CACNB2: variants seen among roughly 807,000 people sequenced by gnomAD.
CACNB2 encodes calcium voltage-gated channel auxiliary subunit beta 2.
CACNB2 carries 42 observed loss-of-function variants against 73.3 expected under a neutral mutation model. The ratio of observed to expected loss-of-function variants is 0.57; its 90% CI spans 0.45 to 0.74. The LOEUF is 0.74. Among genes scored for constraint, CACNB2 ranks in the 30% least tolerant of loss-of-function variants. CACNB2 has a pLI of 0.00. For synonymous variants in CACNB2, 348 were observed against 310.3 expected, an observed-to-expected ratio of 1.12 and a Z score of -1.28; for missense variants, 940 against 853.0, an observed-to-expected ratio of 1.10 and a Z score of -1.27.
chr10:18,310,722 G>A (rs2039932915), intron 2 of CACNB2, among the ~76,000 whole-genome samples: 1 of 150,310 alleles, frequency 6.7e-6, no homozygotes, highest in Admixed American at 6.6e-5. Flanking sequence ...TGGGATTACA[G>A]GCATGCGCCA....
At chr10:18,367,682 A>G (rs1054983727) in intron 2 of CACNB2, among the ~76,000 whole-genome samples, 1 of 152,222 alleles carries the variant, frequency 6.6e-6, no homozygotes, top group African/African-American at 2.4e-5. Context: ...ATCAATACAC[A>G]TAGCAAAACA....
chr10:18,431,895 G>T (rs56246534), intron 3 of CACNB2, among the ~76,000 whole-genome samples: 116 of 152,218 alleles, frequency 7.6e-4, no homozygotes, highest in Non-Finnish European at 1.4e-3. Flanking sequence ...CTCCTGAGTA[G>T]CTGGAACTGC....
intron 2 of CACNB2, among the ~76,000 whole-genome samples, chr10:18,321,874 CA>C (rs1193644565): frequency 6.6e-6 from 1 of 152,008 alleles, no homozygotes; most frequent in African/African-American, 2.4e-5. Flanking sequence ...CTTTCTAAGC[CA>C]GGGGTGGTGG....
rs4456167 is a variant in CACNB2, at chr10:18,362,816, G to C, written c.214-39108G>C. 8.9e-3 allele frequency among the ~76,000 whole-genome samples: 1,359 copies of C among 152,286 alleles called. 19 individuals are homozygous for C. Among genetic ancestry groups the C allele is most frequent in the African/African-American group, 0.03 (1,261 of 41,556 alleles). On this transcript the variant is annotated intron_variant, in intron 2 of 13. Coordinates refer to ENST00000324631, the MANE Select transcript of CACNB2 (RefSeq NM_201596.3). ...CCAGCTACTTGGGAGGCTGAGGAGA[G>C]AGAATCACTTGAACCCGGCAGGTGG...
At chr10:18,265,373 C>T (rs757690970) in intron 2 of CACNB2, among the ~76,000 whole-genome samples, 10 of 152,022 alleles carry the variant, frequency 6.6e-5, no homozygotes, top group East Asian at 5.8e-4. Flanking sequence ...CCTTGTGATC[C>T]GCCCACCTCA....
chr10:18,186,593 C>T (rs60661817), intron 2 of CACNB2, among the ~76,000 whole-genome samples: 8,249 of 152,064 alleles, frequency 0.054, 643 homozygotes, highest in African/African-American at 0.17. Flanking sequence ...GGGGAGAAGG[C>T]ATGTCTTACA....
chr10:18,466,276 C>T (rs941697766), intron 3 of CACNB2, among the ~76,000 whole-genome samples: 1 of 152,072 alleles, frequency 6.6e-6, no homozygotes, highest in African/African-American at 2.4e-5. Flanking sequence ...CGCTCTGTCA[C>T]CCAGCCTAGA....
intron 10 of CACNB2, among the ~76,000 whole-genome samples, chr10:18,528,337 C>G (rs1457558639): frequency 1.3e-5 from 2 of 151,940 alleles, no homozygotes; most frequent in African/African-American, 4.8e-5. Context: ...TTAACGTATA[C>G]TGAATTGATC....
At chr10:18,519,733 A>G (rs1389412158) in intron 9 of CACNB2, 13 of 456,034 alleles carry the variant, frequency 2.9e-5, no homozygotes, top group Non-Finnish European at 4.8e-5. Flanking sequence ...TCCTTGAAAG[A>G]ATTGAGTGTA....
At chr10:18,304,883 C>T (rs1300627062) in intron 2 of CACNB2, among the ~76,000 whole-genome samples, 1 of 152,194 alleles carries the variant, frequency 6.6e-6, no homozygotes, top group Non-Finnish European at 1.5e-5. Flanking sequence ...TCATGCTGTA[C>T]ATTTCAATCC....
At chr10:18,491,482 T>C (rs1471244014) in intron 3 of CACNB2, among the ~76,000 whole-genome samples, 1 of 152,088 alleles carries the variant, frequency 6.6e-6, no homozygotes, top group Admixed American at 6.6e-5. Context: ...TAGCTACTCA[T>C]GAGGCTGAGA....
At chr10:18,391,108 C>G (rs1367651042) in intron 2 of CACNB2, among the ~76,000 whole-genome samples, 2 of 152,118 alleles carry the variant, frequency 1.3e-5, no homozygotes, top group African/African-American at 4.8e-5. Flanking sequence ...TTTGGAGTGG[C>G]TTGCTTGTTA....
chr10:18,220,961 G>A (rs1405707031), intron 2 of CACNB2, among the ~76,000 whole-genome samples: 1 of 152,172 alleles, frequency 6.6e-6, no homozygotes, highest in Admixed American at 6.5e-5. Flanking sequence ...AATGGATGAA[G>A]TTTGAATGGT....
intron 3 of CACNB2, among the ~76,000 whole-genome samples, chr10:18,436,982 G>C (rs1297804622): frequency 1.3e-5 from 2 of 152,136 alleles, no homozygotes; most frequent in Non-Finnish European, 2.9e-5. Flanking sequence ...TGTGCTGCTT[G>C]CTGGAGATAC....
chr10:18,539,130 C>T (rs545253616), intron 13 of CACNB2, 100 bp from the exon 14 acceptor site: 46 of 1,486,030 alleles, frequency 3.1e-5, no homozygotes, highest in East Asian at 6.8e-5. Context: ...TTCAGCTTTT[C>T]GGATGCTTAA....
chr10:18,196,884 T>C (rs1476178396), intron 2 of CACNB2, among the ~76,000 whole-genome samples: 1 of 152,230 alleles, frequency 6.6e-6, no homozygotes. Flanking sequence ...CTTGTCTTCC[T>C]GGATTTTTCA....
At chr10:18,328,193 A>T (rs766406760) in intron 2 of CACNB2, among the ~76,000 whole-genome samples, 5 of 152,192 alleles carry the variant, frequency 3.3e-5, no homozygotes, top group Non-Finnish European at 7.4e-5. Flanking sequence ...CAGAGAAAAG[A>T]GGAGAATTTA....
At chr10:18,481,192 C>CCATATATA (rs1228539443) in intron 3 of CACNB2, among the ~76,000 whole-genome samples, 15 of 36,702 alleles carry the variant, frequency 4.1e-4, no homozygotes, top group East Asian at 2.5e-3. Flanking sequence ...TACATCTTCG[C>CCATATATA]TATATATATA....
intron 11 of CACNB2, among the ~76,000 whole-genome samples, chr10:18,534,467 A>G (rs1024265629): frequency 9.2e-5 from 14 of 152,172 alleles, no homozygotes; most frequent in African/African-American, 3.4e-4. Flanking sequence ...CATTTAGTCA[A>G]AACTACTTCC....
Sources: gnomAD v4.1 joint callset for allele counts (sites outside exome capture counted in the v4.1 genomes callset) on GRCh38, gnomAD v4.1.1 for gene constraint, MANE v1.5 for transcripts, NCBI Gene and HGNC (gene_info 2026-07-23, HGNC 2026-07-21) for gene names.